DNER: variants seen among roughly 807,000 people sequenced by gnomAD.
The protein encoded by DNER is delta and Notch-like epidermal growth factor-related receptor.
Under a neutral mutation model 78.2 loss-of-function variants are expected in DNER, and 33 were observed. The observed-to-expected ratio is 0.42, with a 90% CI of 0.32 to 0.56. DNER has a LOEUF of 0.56. DNER is among the 20% of genes least tolerant of loss of function. The pLI is 0.11. For missense variants in DNER, 918 were observed against 975.3 expected (o/e 0.94, Z 0.78); for synonymous variants, 417 against 384.8 (o/e 1.08, Z -0.98).
intron 7 of DNER, 84 bp downstream of exon 7, chr2:229,477,056 G>A (rs1051468985): frequency 1.8e-6 from 2 of 1,100,074 alleles, no homozygotes; most frequent in Non-Finnish European, 2.6e-6. Flanking sequence ...GTAGAGTTTT[G>A]CAGAAACAAA....
At chr2:229,471,662 G>A (rs965429977) in intron 7 of DNER, among the ~76,000 whole-genome samples, 1 of 152,132 alleles carries the variant, frequency 6.6e-6, no homozygotes, top group African/African-American at 2.4e-5. Flanking sequence ...TGACTTAACC[G>A]AGGTTAGATG....
intron 4 of DNER, among the ~76,000 whole-genome samples, chr2:229,571,933 T>C (rs533792675): frequency 5.3e-5 from 8 of 152,192 alleles, no homozygotes; most frequent in Non-Finnish European, 7.4e-5. Flanking sequence ...CCCCATGTTA[T>C]ATCTCCACCA....
intron 7 of DNER, among the ~76,000 whole-genome samples, chr2:229,463,531 C>T (rs1335316590): frequency 6.6e-6 from 1 of 152,102 alleles, no homozygotes; most frequent in Non-Finnish European, 1.5e-5. Flanking sequence ...GCCTTGAACT[C>T]CTGGGTTCAA....
At chr2:229,452,561 G>A (rs1021699535) in intron 7 of DNER, among the ~76,000 whole-genome samples, 5 of 152,148 alleles carry the variant, frequency 3.3e-5, no homozygotes, top group Non-Finnish European at 4.4e-5. Flanking sequence ...TATCTTCTGA[G>A]TGTTCAAGAA....
intron 1 of DNER, among the ~76,000 whole-genome samples, chr2:229,666,291 A>T (rs1022866873): frequency 2.0e-5 from 3 of 152,200 alleles, no homozygotes; most frequent in African/African-American, 7.2e-5. Context: ...ACACTCTAGA[A>T]CAAATCATTG....
intron 11 of DNER, among the ~76,000 whole-genome samples, chr2:229,383,477 A>T (rs1235077664): frequency 6.6e-6 from 1 of 152,210 alleles, no homozygotes; most frequent in Non-Finnish European, 1.5e-5. Context: ...CAAATTGCAT[A>T]GAGTCAAGAC....
At chr2:229,485,385 C>T (rs148256362) in intron 6 of DNER, among the ~76,000 whole-genome samples, 259 of 152,316 alleles carry the variant, frequency 1.7e-3, no homozygotes, top group African/African-American at 5.6e-3. Flanking sequence ...GCATCCATTT[C>T]ATCAGTGGGT....
At chr2:229,705,366 C>A (rs372427659) in intron 1 of DNER, among the ~76,000 whole-genome samples, 2 of 152,210 alleles carry the variant, frequency 1.3e-5, no homozygotes, top group Non-Finnish European at 2.9e-5. Flanking sequence ...TATTTCCAAG[C>A]GCCTTTCTTT....
At chr2:229,442,505 G>C (rs1448983115) in intron 8 of DNER, among the ~76,000 whole-genome samples, 1 of 107,484 alleles carries the variant, frequency 9.3e-6, no homozygotes, top group African/African-American at 5.3e-5. Context: ...ACAGAGCAAC[G>C]CTCTGTCTTA....
intron 1 of DNER, among the ~76,000 whole-genome samples, chr2:229,699,550 A>G (rs1699711028): frequency 6.6e-6 from 1 of 152,084 alleles, no homozygotes; most frequent in Non-Finnish European, 1.5e-5. Flanking sequence ...TTTTTAGTAG[A>G]GATAGGGTTT....
chr2:229,558,666 G>T (rs540246773), intron 4 of DNER, among the ~76,000 whole-genome samples: 1 of 152,214 alleles, frequency 6.6e-6, no homozygotes, highest in African/African-American at 2.4e-5. Context: ...GGACTGGGCT[G>T]CAGGATGGGG....
At chr2:229,516,679 G>A (rs1695978336) in intron 5 of DNER, among the ~76,000 whole-genome samples, 1 of 151,774 alleles carries the variant, frequency 6.6e-6, no homozygotes, top group Non-Finnish European at 1.5e-5. Context: ...CAGCTATTGG[G>A]GAAGCTGAGG....
chr2:229,359,481 G>A (rs1223433690), intron 12 of DNER, among the ~76,000 whole-genome samples: 3 of 152,140 alleles, frequency 2.0e-5, no homozygotes, highest in East Asian at 3.8e-4. Flanking sequence ...GCCCTGGAGT[G>A]CAACAGGATT....
In DNER at chr2:229,612,346, G is replaced by A. The variant is rs920361495; in HGVS notation, c.277-20458C>T. Among the ~76,000 whole-genome samples, 9 of 152,270 alleles carry A rather than the reference G, an allele frequency of 5.9e-5. No homozygotes were observed. In the East Asian group the frequency reaches 1.7e-3, roughly 29 times the overall value. On this transcript the variant is annotated intron_variant, in intron 1 of 12. Transcript: ENST00000341772. ...GGGGATCAGACATTATGGGCATTCTGGATACACTGGGGGACCCTGGTGGAA... is the reference window on the plus strand; with the variant it reads ...GGGGATCAGACATTATGGGCATTCTAGATACACTGGGGGACCCTGGTGGAA...
intron 1 of DNER, among the ~76,000 whole-genome samples, chr2:229,593,592 A>T (rs373288047): frequency 1.6e-4 from 25 of 152,220 alleles, no homozygotes; most frequent in African/African-American, 5.5e-4. Flanking sequence ...ATGGGACTTT[A>T]AAAAAAATTG....
intron 4 of DNER, among the ~76,000 whole-genome samples, chr2:229,578,513 T>G (rs1175739539): frequency 6.6e-6 from 1 of 152,102 alleles, no homozygotes; most frequent in Admixed American, 6.6e-5. Context: ...CACAGAAAAT[T>G]AACACTGGCC....
chr2:229,698,102 A>T (rs1198997337), intron 1 of DNER, among the ~76,000 whole-genome samples: 2 of 152,082 alleles, frequency 1.3e-5, no homozygotes, highest in Admixed American at 6.5e-5. Context: ...TACTCGGGAG[A>T]CTGAGGTGGG....
chr2:229,685,228 A>T (rs1015524437), intron 1 of DNER, among the ~76,000 whole-genome samples: 1 of 131,518 alleles, frequency 7.6e-6, no homozygotes, highest in African/African-American at 2.9e-5. Flanking sequence ...CAGTTATTTA[A>T]AAGTTTTAGA....
chr2:229,403,849 C>A (rs1693323685), intron 10 of DNER, among the ~76,000 whole-genome samples: 1 of 152,050 alleles, frequency 6.6e-6, no homozygotes, highest in South Asian at 2.1e-4. Context: ...AGTTATGCAG[C>A]AAGCAGAGGG....
Sources: allele counts gnomAD v4.1 joint callset (sites outside exome capture counted in the v4.1 genomes callset), GRCh38; gene constraint gnomAD v4.1.1; transcripts MANE v1.5; gene names NCBI Gene and HGNC (gene_info 2026-07-23, HGNC 2026-07-21).